The following PDSS2 variants were observed in gnomAD, a reference collection of about 807,000 sequenced individuals.
PDSS2 encodes all trans-polyprenyl-diphosphate synthase PDSS2.
In PDSS2, 31 loss-of-function variants were observed where a neutral mutation model predicts 44.5. The ratio of observed to expected loss-of-function variants is 0.70; its 90% confidence interval spans 0.52 to 0.94. The LOEUF is 0.94. Ranked by LOEUF, PDSS2 falls within the 40% of genes least tolerant of loss-of-function variation. PDSS2 has a pLI of 0.00. For synonymous variants in PDSS2, 157 were observed against 180.3 expected, an observed-to-expected ratio of 0.87 and a Z score of 1.03; for missense variants, 452 against 482.2, an observed-to-expected ratio of 0.94 and a Z score of 0.59.
At chr6:107,411,873 CTTCTTCTTT>C (rs1233482141) in intron 1 of PDSS2, among the ~76,000 whole-genome samples, 1 of 120,422 alleles carries the variant, frequency 8.3e-6, no homozygotes, top group Admixed American at 1.0e-4. Flanking sequence ...TGTACTTCTT[CTTCTTCTTT>C]TTTTTTTTTT....
chr6:107,357,839 G>C (rs1778639413), intron 1 of PDSS2, among the ~76,000 whole-genome samples: 1 of 152,242 alleles, frequency 6.6e-6, no homozygotes, highest in East Asian at 1.9e-4. Flanking sequence ...TGCTAGAGTT[G>C]GAACTGCAGT....
intron 1 of PDSS2, among the ~76,000 whole-genome samples, chr6:107,353,085 C>G (rs748383386): frequency 9.2e-5 from 14 of 152,112 alleles, no homozygotes; most frequent in South Asian, 4.1e-4. Flanking sequence ...TGCTTTTTGG[C>G]TTCAGTGAAA....
At chr6:107,382,038 C>T (rs543126190) in intron 1 of PDSS2, among the ~76,000 whole-genome samples, 55 of 152,310 alleles carry the variant, frequency 3.6e-4, no homozygotes, top group African/African-American at 1.2e-3. Context: ...TGAAGAATTT[C>T]AATCAGTAAA....
Position 107,212,213 on chromosome 6 carries a change from A to C in PDSS2, c.772T>G (p.Leu258Val). 1 of 1,613,868 alleles carries C rather than the reference A, an allele frequency of 6.2e-7. No homozygotes were observed. The highest frequency in any genetic ancestry group is 8.5e-7 in the Non-Finnish European group (1 of 1,179,746). ...KEQTFLSHGA[L>V]LAKSCQAAME... The stretch of plus-strand genomic sequence containing the variant: ...GCAGCTTGGCAGCTCTTTGCTAGTA[A>C]GGCACCATGGGAGAGAAAAGTCTGC... Residue 258 changes from leucine to valine, a missense_variant, in exon 5 of 8, where the codon TTA becomes GTA. Leu to Val is a conservative substitution (Grantham distance 32). Transcript: ENST00000369037.
At chr6:107,412,107 C>T (rs567958330) in intron 1 of PDSS2, among the ~76,000 whole-genome samples, 16 of 151,606 alleles carry the variant, frequency 1.1e-4, no homozygotes, top group Admixed American at 7.2e-4. Flanking sequence ...AGGCTGGTCT[C>T]GAACTCCTGA....
At chr6:107,426,566 A>G (rs1169611010) in intron 1 of PDSS2, among the ~76,000 whole-genome samples, 3 of 152,158 alleles carry the variant, frequency 2.0e-5, no homozygotes, top group Non-Finnish European at 1.5e-5. Context: ...ATCCACTGAC[A>G]GCTTGTACCG....
At chr6:107,330,249 G>T (rs774220801) in intron 2 of PDSS2, among the ~76,000 whole-genome samples, 4 of 152,108 alleles carry the variant, frequency 2.6e-5, no homozygotes, top group Admixed American at 1.3e-4. Context: ...CCAGGAAATA[G>T]TAAATATCAC....
chr6:107,396,783 G>A (rs1779962469), intron 1 of PDSS2, among the ~76,000 whole-genome samples: 1 of 148,070 alleles, frequency 6.8e-6, no homozygotes, highest in Admixed American at 6.8e-5. Flanking sequence ...CAAACTCCTG[G>A]GCTCAAGGAA....
At chr6:107,189,049 A>C (rs948378925) in intron 7 of PDSS2, among the ~76,000 whole-genome samples, 5 of 152,144 alleles carry the variant, frequency 3.3e-5, no homozygotes, top group Non-Finnish European at 7.3e-5. Context: ...AGCCAGGACT[A>C]TAGGTGTGCA....
At chr6:107,279,958 T>A (rs1775906562) in intron 2 of PDSS2, among the ~76,000 whole-genome samples, 1 of 152,224 alleles carries the variant, frequency 6.6e-6, no homozygotes, top group African/African-American at 2.4e-5. Context: ...CCCAAAGCAA[T>A]CTATTAAACT....
chr6:107,381,427 T>C (rs1779452378), intron 1 of PDSS2, among the ~76,000 whole-genome samples: 1 of 152,218 alleles, frequency 6.6e-6, no homozygotes, highest in African/African-American at 2.4e-5. Context: ...GAAATGAGAT[T>C]TTTTTTAAAC....
At chr6:107,347,365 C>T (rs1554269437) in intron 1 of PDSS2, among the ~76,000 whole-genome samples, 1 of 150,552 alleles carries the variant, frequency 6.6e-6, no homozygotes, top group Non-Finnish European at 1.5e-5. Flanking sequence ...GCGATTCTCC[C>T]GATTCAAGCG....
chr6:107,177,740 T>C (rs1174795723), intron 7 of PDSS2, among the ~76,000 whole-genome samples: 2 of 152,128 alleles, frequency 1.3e-5, no homozygotes, highest in African/African-American at 4.8e-5. Flanking sequence ...GTAATAGAAA[T>C]TCAACAAGCA....
chr6:107,339,387 C>G (rs1237411574), intron 1 of PDSS2, among the ~76,000 whole-genome samples: 25 of 152,166 alleles, frequency 1.6e-4, no homozygotes, highest in Admixed American at 1.6e-3. Context: ...GTTTTCTTAG[C>G]TAATGAACAA....
intron 1 of PDSS2, among the ~76,000 whole-genome samples, chr6:107,454,761 G>A (rs1781982540): frequency 6.6e-6 from 1 of 151,502 alleles, no homozygotes; most frequent in Admixed American, 6.6e-5. Context: ...GCTCCAGCCT[G>A]GGCAACAGAG....
intron 1 of PDSS2, 87 bp downstream of exon 1, chr6:107,458,903 G>T: frequency 8.5e-7 from 1 of 1,179,666 alleles, no homozygotes; most frequent in Non-Finnish European, 1.3e-6. Flanking sequence ...TCAGGAGCCA[G>T]TCTGAGAGAG....
chr6:107,299,162 A>AAAAAAAAG (rs1562445306), intron 2 of PDSS2, among the ~76,000 whole-genome samples: 5 of 149,754 alleles, frequency 3.3e-5, no homozygotes, highest in African/African-American at 1.2e-4. Flanking sequence ...AAAAAAAAAA[A>AAAAAAAAG]AAAAAAAGAA....
At chr6:107,187,389 G>A (rs1772205935) in intron 7 of PDSS2, among the ~76,000 whole-genome samples, 1 of 152,218 alleles carries the variant, frequency 6.6e-6, no homozygotes, top group South Asian at 2.1e-4. Flanking sequence ...TTAAGGCCCG[G>A]TGTGGTGGCT....
At chr6:107,224,110 A>G (rs1358023162) in intron 4 of PDSS2, among the ~76,000 whole-genome samples, 1 of 151,296 alleles carries the variant, frequency 6.6e-6, no homozygotes, top group Non-Finnish European at 1.5e-5. Flanking sequence ...CCATGCATTG[A>G]GTGCTGTATT....
Sources: gnomAD v4.1 joint callset for allele counts (sites outside exome capture counted in the v4.1 genomes callset) on GRCh38, gnomAD v4.1.1 for gene constraint, MANE v1.5 for transcripts, NCBI Gene and HGNC (gene_info 2026-07-23, HGNC 2026-07-21) for gene names.